ZBTB10: variants seen among roughly 807,000 people sequenced by gnomAD.
ZBTB10 encodes zinc finger and BTB domain containing 10.
A neutral mutation model predicts 76.4 loss-of-function variants in ZBTB10; 32 were observed. The ratio of observed to expected loss-of-function variants is 0.42; its 90% CI spans 0.32 to 0.56. The LOEUF (loss-of-function observed/expected upper bound fraction) is 0.56. Ranked by LOEUF, ZBTB10 falls within the 20% of genes least tolerant of loss-of-function variation. The probability of loss-of-function intolerance (pLI) is 0.14; values close to 1 mark genes in which losing one functional copy is unlikely to be tolerated. For synonymous variants in ZBTB10, 523 were observed against 432.9 expected (o/e 1.21, Z -2.58); for missense variants, 1,057 against 1,098.5 (o/e 0.96, Z 0.53).
At chr8:80,509,808 G>A (rs899167194) in intron 2 of ZBTB10, among the ~76,000 whole-genome samples, 4 of 151,864 alleles carry the variant, frequency 2.6e-5, no homozygotes, top group Non-Finnish European at 4.4e-5. Context: ...AGGAGATAGG[G>A]TCTTGGTCTT....
intron 2 of ZBTB10, among the ~76,000 whole-genome samples, chr8:80,503,422 A>G (rs908918251): frequency 6.6e-6 from 1 of 152,166 alleles, no homozygotes; most frequent in African/African-American, 2.4e-5. Context: ...ACTGATTATT[A>G]GGTAGTCATT....
In ZBTB10 at chr8:80,521,070, C is replaced by G. The variant is rs1228180374; in HGVS notation, c.*1542C>G. The G allele has an allele frequency of 6.6e-6, 1 of 151,628 alleles. No individual in the cohort carries two copies. The highest frequency in any genetic ancestry group is 2.4e-5 in the African/African-American group (1 of 41,318). The allele number at this position is 151,628 out of a possible 1,614,324, so 9.4% of individuals were successfully genotyped here. The stretch of plus-strand genomic sequence containing the variant: ...CAAAGATGCTTTGACAGATATAATC[C>G]CTTTGGTGCTCCATCTGATCAAAGT... On this transcript the variant is annotated 3_prime_UTR_variant, in exon 6 of 6. Transcript: ENST00000455036.
At chr8:80,511,136 A>G (rs574780199) in intron 2 of ZBTB10, among the ~76,000 whole-genome samples, 2 of 152,368 alleles carry the variant, frequency 1.3e-5, no homozygotes, top group South Asian at 4.1e-4. Flanking sequence ...TGTTTTTGAT[A>G]TCAAGAACCA....
Position 80,500,286 on chromosome 8 carries a change from C to A in ZBTB10, c.1765C>A (p.Pro589Thr). 6.3e-7 allele frequency: 1 copy of A among 1,575,252 alleles called. No homozygotes were observed. Among genetic ancestry groups the A allele is most frequent in the Non-Finnish European group, 8.6e-7 (1 of 1,159,866 alleles). ...TACAAAAAGATTTATTTATAATATTCCACCTAATAATGAAACGAATTTAGA... is the reference window on the plus strand; with the variant it reads ...TACAAAAAGATTTATTTATAATATTACACCTAATAATGAAACGAATTTAGA... ...QTTKRFIYNI[P>T]PNNETNLEDC... The change falls in exon 2 of 6, where the codon CCA becomes ACA. Residue 589 changes from proline to threonine, a missense_variant. By Grantham distance (38) the Pro-to-Thr change is conservative (BLOSUM62 -1). Transcript: ENST00000455036.
chr8:80,515,787 A>G (rs189994981), intron 3 of ZBTB10, among the ~76,000 whole-genome samples: 50 of 152,220 alleles, frequency 3.3e-4, no homozygotes, highest in African/African-American at 1.2e-3. Flanking sequence ...TTAGTTTTCT[A>G]TTGTGGAATA....
At chr8:80,504,214 G>T (rs968501293) in intron 2 of ZBTB10, among the ~76,000 whole-genome samples, 2 of 152,032 alleles carry the variant, frequency 1.3e-5, no homozygotes, top group African/African-American at 4.8e-5. Flanking sequence ...CATTTATTGA[G>T]AAAACAGTTG....
At chr8:80,497,941 G>A (rs934521996) in intron 1 of ZBTB10, among the ~76,000 whole-genome samples, 2 of 152,010 alleles carry the variant, frequency 1.3e-5, no homozygotes, top group Admixed American at 6.6e-5. Context: ...GATTACAGGC[G>A]TGAGCCACCA....
intron 1 of ZBTB10, among the ~76,000 whole-genome samples, chr8:80,490,221 T>G (rs894391072): frequency 3.3e-5 from 5 of 152,210 alleles, no homozygotes; most frequent in Admixed American, 3.3e-4. Flanking sequence ...TGTGCCAGCA[T>G]AAAACCACTT....
intron 2 of ZBTB10, among the ~76,000 whole-genome samples, chr8:80,511,636 C>A (rs1483251555): frequency 6.6e-6 from 1 of 152,128 alleles, no homozygotes; most frequent in Non-Finnish European, 1.5e-5. Flanking sequence ...TAGCACATGC[C>A]TGGCCAATTT....
At chr8:80,485,833 C>T (rs1815429839), upstream of ZBTB10, 1 of 1,535,826 alleles carries the variant, frequency 6.5e-7, no homozygotes, top group African/African-American at 1.4e-5. Context: ...TGCAAAGTCC[C>T]AGGTGAACTC....
chr8:80,492,685 G>T (rs956490526), intron 1 of ZBTB10, among the ~76,000 whole-genome samples: 1 of 151,770 alleles, frequency 6.6e-6, no homozygotes, highest in African/African-American at 2.4e-5. Context: ...CAGTATGTTG[G>T]CCAGGATAGT....
intron 5 of ZBTB10, 32 bp downstream of exon 5, chr8:80,518,986 G>T: frequency 6.4e-7 from 1 of 1,555,500 alleles, no homozygotes; most frequent in South Asian, 1.2e-5. Flanking sequence ...TGATCTTTGA[G>T]ATAAACTATA....
intron 2 of ZBTB10, among the ~76,000 whole-genome samples, chr8:80,510,639 A>AGTGTGGGGGG (rs60169757): frequency 1.0e-3 from 130 of 125,784 alleles, no homozygotes; most frequent in African/African-American, 3.8e-3. Flanking sequence ...TTGTGAAACC[A>AGTGTGGGGGG]GTGTGTGTGT....
chr8:80,505,793 G>C (rs895211661), intron 2 of ZBTB10, among the ~76,000 whole-genome samples: 1 of 151,966 alleles, frequency 6.6e-6, no homozygotes. Flanking sequence ...GCAGTGTCAT[G>C]ATCATGGCTT....
chr8:80,524,866 AAG>A lies in ZBTB10; in HGVS notation c.*5342_*5343del, dbSNP rs1816525813. The A allele has an allele frequency of 6.6e-6, 1 of 152,126 alleles. No homozygotes were observed. Among genetic ancestry groups the A allele is most frequent in the Non-Finnish European group, 1.5e-5 (1 of 67,986 alleles). The allele number at this position is 152,126 out of a possible 1,614,324, so 9.4% of individuals were successfully genotyped here. ...CTGGAGATAACGCTATGAAAAGTGA[AAG>A]AGATTACTTAATCATTTTGACAAAG... On this transcript the variant is annotated 3_prime_UTR_variant, in exon 6 of 6. Coordinates refer to ENST00000455036, the MANE Select transcript of ZBTB10 (RefSeq NM_001105539.3).
At chr8:80,485,723 A>C (rs145278470), upstream of ZBTB10, 3 of 1,466,540 alleles carry the variant, frequency 2.0e-6, no homozygotes, top group East Asian at 7.6e-5. Flanking sequence ...CGCCTGGTCC[A>C]GTCTTTGTGA....
At chr8:80,490,492 C>A (rs1815600375) in intron 1 of ZBTB10, among the ~76,000 whole-genome samples, 1 of 152,156 alleles carries the variant, frequency 6.6e-6, no homozygotes, top group South Asian at 2.1e-4. Context: ...CCACCTTGAC[C>A]TCCCCAAAAT....
In ZBTB10 at chr8:80,504,857, G is replaced by T. The variant is rs147861432; in HGVS notation, c.1861+4475G>T. ...ACCTGAGATTAGAAATTGAATTACA[G>T]AAGTACAGATAACTAGTGCCTAAAT... On this transcript the variant is annotated intron_variant, in intron 2 of 5. Transcript: ENST00000455036. 7.5e-4 allele frequency among the ~76,000 whole-genome samples: 114 copies of T among 152,292 alleles called. No homozygotes were observed. The East Asian group carries it at 0.021, about 28-fold the overall frequency.
At chr8:80,517,964 C>T (rs1018706233) in intron 3 of ZBTB10, among the ~76,000 whole-genome samples, 7 of 148,754 alleles carry the variant, frequency 4.7e-5, no homozygotes, top group South Asian at 4.3e-4. Context: ...CTGCAACTCC[C>T]GGGCTCAAAT....
Sources: allele counts gnomAD v4.1 joint callset (sites outside exome capture counted in the v4.1 genomes callset), GRCh38; gene constraint gnomAD v4.1.1; transcripts MANE v1.5; gene names NCBI Gene and HGNC (gene_info 2026-07-23, HGNC 2026-07-21).